Variants in SND1 observed in about 807,000 individuals in gnomAD.
SND1 encodes staphylococcal nuclease domain-containing protein 1.
SND1 carries 38 observed loss-of-function variants against 121.7 expected under a neutral mutation model. The ratio of observed to expected loss-of-function variants is 0.31; its 90% CI spans 0.24 to 0.41. The LOEUF is 0.41. Among genes scored for constraint, SND1 ranks in the 10% least tolerant of loss-of-function variants. The pLI is 1.00. For synonymous variants in SND1, 401 were observed against 447.4 expected, an observed-to-expected ratio of 0.90 and a Z score of 1.31; for missense variants, 868 against 1,184.6, an observed-to-expected ratio of 0.73 and a Z score of 3.92.
At chr7:127,981,272 GAA>G (rs1211346077) in intron 15 of SND1, among the ~76,000 whole-genome samples, 6 of 147,642 alleles carry the variant, frequency 4.1e-5, no homozygotes, top group African/African-American at 1.5e-4. Context: ...AGAAACCCAG[GAA>G]AAAAAAAAAA....
At chr7:128,070,553 A>AG (rs1367968661) in intron 16 of SND1, among the ~76,000 whole-genome samples, 2 of 152,222 alleles carry the variant, frequency 1.3e-5, no homozygotes, top group Non-Finnish European at 2.9e-5. Flanking sequence ...TGCCCAAGAG[A>AG]TGAGTGGCTA....
chr7:127,894,383 TAAA>T (rs879884918), intron 13 of SND1, among the ~76,000 whole-genome samples: 1 of 141,422 alleles, frequency 7.1e-6, no homozygotes. Context: ...ATGTGTGCCT[TAAA>T]AAAAAAAAAA....
intron 1 of SND1, among the ~76,000 whole-genome samples, chr7:127,659,829 G>A (rs1795277159): frequency 6.6e-6 from 1 of 152,118 alleles, no homozygotes; most frequent in African/African-American, 2.4e-5. Flanking sequence ...TCTCTAACAT[G>A]AGGTTGCTGG....
chr7:128,063,579 G>A (rs1247474145), intron 16 of SND1, among the ~76,000 whole-genome samples: 7 of 152,204 alleles, frequency 4.6e-5, no homozygotes, highest in African/African-American at 1.7e-4. Context: ...GTCACTGCTG[G>A]CGATCTGGAG....
At position 127,807,519 on chromosome 7, in the gene SND1, T is replaced by C. The variant is rs1016328912; in HGVS notation, c.1188T>C (p.Ile396=). 3 of 1,614,014 alleles carry C rather than the reference T, an allele frequency of 1.9e-6. No homozygotes were observed. The highest frequency in any genetic ancestry group is 1.3e-5 in the African/African-American group (1 of 74,942). The change falls in exon 11 of 24, where the codon ATT becomes ATC. Residue 396 remains isoleucine (I), a synonymous_variant. Transcript: ENST00000354725. ...KNKKLRPLYD[I]PYMFEAREFL... is the part of the protein sequence containing the mutation. ...AGAAACTGCGTCCCCTGTATGACAT[T>C]CCTTACATGTTTGAGGCCCGGGAAT... is the stretch of plus-strand genomic sequence containing the variant.
intron 15 of SND1, among the ~76,000 whole-genome samples, chr7:127,960,868 A>T (rs192785597): frequency 5.0e-4 from 76 of 152,336 alleles, no homozygotes; most frequent in African/African-American, 1.7e-3. Context: ...TTTCAATACT[A>T]TTCTGCCAGC....
intron 13 of SND1, among the ~76,000 whole-genome samples, chr7:127,898,800 G>A (rs144270107): frequency 1.7e-3 from 259 of 152,170 alleles, no homozygotes; most frequent in African/African-American, 5.9e-3. Flanking sequence ...TTAGATTCTT[G>A]CCCATCTCTT....
At chr7:127,819,254 G>A (rs1166526153) in intron 11 of SND1, among the ~76,000 whole-genome samples, 3 of 152,164 alleles carry the variant, frequency 2.0e-5, no homozygotes, top group African/African-American at 7.2e-5. Flanking sequence ...TAAAAATGAA[G>A]AGATGAGACA....
At chr7:127,882,860 A>G (rs887482371) in intron 12 of SND1, among the ~76,000 whole-genome samples, 1 of 152,168 alleles carries the variant, frequency 6.6e-6, no homozygotes, top group Non-Finnish European at 1.5e-5. Context: ...TGTATCAGTA[A>G]TTCTACTCCA....
chr7:127,867,945 C>A (rs1799510478), intron 12 of SND1, among the ~76,000 whole-genome samples: 1 of 151,812 alleles, frequency 6.6e-6, no homozygotes, highest in Non-Finnish European at 1.5e-5. Flanking sequence ...TTAATCTGCT[C>A]TCTGCCTGGA....
chr7:127,745,334 A>G lies in SND1; in HGVS notation c.1152+23934A>G, dbSNP rs141754639. Among the ~76,000 whole-genome samples, 207 of 152,272 alleles carry G rather than the reference A, an allele frequency of 1.4e-3. 1 individual carries two copies. Among genetic ancestry groups the G allele is most frequent in the East Asian group, 0.01 (54 of 5,182 alleles). On this transcript the variant is annotated intron_variant, in intron 10 of 23. Transcript: ENST00000354725. Reference sequence around the variant, plus strand: ...TTGTGTATCTAAACATAGAAAAGGTACAGTAAATTTTATGGGACCACCGTT... The same window carrying G: ...TTGTGTATCTAAACATAGAAAAGGTGCAGTAAATTTTATGGGACCACCGTT...
At chr7:127,760,994 T>C (rs1797296300) in intron 10 of SND1, among the ~76,000 whole-genome samples, 1 of 152,224 alleles carries the variant, frequency 6.6e-6, no homozygotes, top group Non-Finnish European at 1.5e-5. Context: ...TTAAACCGTA[T>C]AAAAAGATTT....
intron 21 of SND1, among the ~76,000 whole-genome samples, chr7:128,088,279 TAAA>T (rs35128808): frequency 0.019 from 2,001 of 104,306 alleles, 25 homozygotes; most frequent in Non-Finnish European, 0.026. Context: ...ACCCTGTCTC[TAAA>T]AAAAAAAAAA....
At chr7:127,655,966 A>G (rs1795203574) in intron 1 of SND1, among the ~76,000 whole-genome samples, 1 of 152,166 alleles carries the variant, frequency 6.6e-6, no homozygotes, top group African/African-American at 2.4e-5. Flanking sequence ...GGAAGGCTGA[A>G]GGGAGGACGG....
At chr7:127,720,263 C>T (rs1279639755) in intron 9 of SND1, among the ~76,000 whole-genome samples, 2 of 152,182 alleles carry the variant, frequency 1.3e-5, no homozygotes, top group Non-Finnish European at 2.9e-5. Flanking sequence ...TGGCAGCTGA[C>T]CCTGTAAGTT....
At chr7:128,063,549 A>C (rs547670804) in intron 16 of SND1, among the ~76,000 whole-genome samples, 30 of 152,222 alleles carry the variant, frequency 2.0e-4, no homozygotes, top group Non-Finnish European at 2.9e-4. Context: ...TATTCTGTCC[A>C]GGGACTTTCC....
intron 12 of SND1, among the ~76,000 whole-genome samples, chr7:127,851,885 G>A (rs1175543602): frequency 2.6e-5 from 4 of 152,160 alleles, no homozygotes; most frequent in East Asian, 3.8e-4. Context: ...GGCTGGGCAC[G>A]GTGGCTCACG....
At chr7:127,843,394 G>T (rs1261169032) in intron 11 of SND1, among the ~76,000 whole-genome samples, 11 of 151,962 alleles carry the variant, frequency 7.2e-5, no homozygotes, top group Non-Finnish European at 2.9e-5. Context: ...TATAACTCCT[G>T]GCAAAATTCC....
At chr7:128,083,305 A>G (rs755818260) in intron 18 of SND1, among the ~76,000 whole-genome samples, 1 of 152,238 alleles carries the variant, frequency 6.6e-6, no homozygotes, top group Non-Finnish European at 1.5e-5. Context: ...AAATGAAAGT[A>G]GACCAAGTTA....
Sources: allele counts gnomAD v4.1 joint callset (sites outside exome capture counted in the v4.1 genomes callset), GRCh38; gene constraint gnomAD v4.1.1; transcripts MANE v1.5; gene names NCBI Gene and HGNC (gene_info 2026-07-23, HGNC 2026-07-21).